Variants in SPOCK3 observed in about 807,000 individuals in gnomAD.
The protein encoded by SPOCK3 is SPARC (osteonectin), cwcv and kazal like domains proteoglycan 3, also known as testican-3.
Under a neutral mutation model 56.6 loss-of-function variants are expected in SPOCK3, and 30 were observed. That is an observed-to-expected ratio of 0.53 (90% CI 0.40 to 0.72). SPOCK3 has a LOEUF of 0.72. SPOCK3 is among the 30% of genes least tolerant of loss of function. The pLI is 0.00. For synonymous variants in SPOCK3, 196 were observed against 183.3 expected (o/e 1.07, Z -0.56); for missense variants, 527 against 530.0 (o/e 0.99, Z 0.06).
chr4:166,819,638 GAATGA>G (rs929859842), intron 6 of SPOCK3, among the ~76,000 whole-genome samples: 1 of 151,636 alleles, frequency 6.6e-6, no homozygotes, highest in African/African-American at 2.4e-5. Flanking sequence ...GTATCAAAAT[GAATGA>G]AATAAAAATA....
At chr4:166,814,740 C>T (rs1160748449) in intron 6 of SPOCK3, among the ~76,000 whole-genome samples, 1 of 152,054 alleles carries the variant, frequency 6.6e-6, no homozygotes, top group Non-Finnish European at 1.5e-5. Context: ...CTTCTTTCTT[C>T]CCCAGCTTGC....
At chr4:166,920,457 A>G (rs987608263) in intron 4 of SPOCK3, among the ~76,000 whole-genome samples, 29 of 152,182 alleles carry the variant, frequency 1.9e-4, no homozygotes, top group African/African-American at 5.8e-4. Flanking sequence ...ATTGACAGGT[A>G]TATTTATTTT....
intron 3 of SPOCK3, among the ~76,000 whole-genome samples, chr4:167,014,990 T>C (rs1237165582): frequency 1.3e-5 from 2 of 151,936 alleles, no homozygotes; most frequent in Non-Finnish European, 2.9e-5. Context: ...ATTTTTGTAA[T>C]ATAAGAATAT....
At chr4:167,065,564 G>A (rs1756046928) in intron 2 of SPOCK3, among the ~76,000 whole-genome samples, 1 of 151,716 alleles carries the variant, frequency 6.6e-6, no homozygotes, top group Admixed American at 6.6e-5. Flanking sequence ...CCTGGCCACT[G>A]TGGGGATCAG....
intron 2 of SPOCK3, among the ~76,000 whole-genome samples, chr4:167,146,164 G>A (rs1402715095): frequency 6.6e-6 from 1 of 152,112 alleles, no homozygotes; most frequent in African/African-American, 2.4e-5. Flanking sequence ...TGCAACCCTA[G>A]TCTCTGATAA....
chr4:167,212,180 G>A (rs1177452052), intron 2 of SPOCK3, among the ~76,000 whole-genome samples: 1 of 151,448 alleles, frequency 6.6e-6, no homozygotes, highest in African/African-American at 2.4e-5. Context: ...TCTGTGTTGT[G>A]TTCATTTTAG....
chr4:167,015,376 A>G (rs2150152317), intron 3 of SPOCK3, among the ~76,000 whole-genome samples: 1 of 152,298 alleles, frequency 6.6e-6, no homozygotes, highest in Non-Finnish European at 1.5e-5. Context: ...AATACTGGCT[A>G]AAGTTACAAC....
chr4:166,925,495 G>A (rs914625133), intron 4 of SPOCK3, among the ~76,000 whole-genome samples: 2 of 152,068 alleles, frequency 1.3e-5, no homozygotes, highest in African/African-American at 4.8e-5. Context: ...TGATACCATT[G>A]AAATTTGGGG....
At chr4:167,025,516 C>G (rs1245987909) in intron 3 of SPOCK3, among the ~76,000 whole-genome samples, 3 of 151,724 alleles carry the variant, frequency 2.0e-5, no homozygotes. Flanking sequence ...GATATTAACC[C>G]AATTAGAGAC....
At chr4:167,031,902 T>C (rs1752312045) in intron 3 of SPOCK3, among the ~76,000 whole-genome samples, 1 of 152,062 alleles carries the variant, frequency 6.6e-6, no homozygotes, top group African/African-American at 2.4e-5. Flanking sequence ...CTGGACCACG[T>C]ACAGGGGTAG....
chr4:166,734,482 G>A lies in SPOCK3; in HGVS notation c.*439C>T, dbSNP rs1009885945. ...TCTAGCAAGATGCTACTTTGGAAAT[G>A]CAATTAAAGCATGCATATTTTTCCT... On this transcript the variant is annotated 3_prime_UTR_variant, in exon 11 of 11. Coordinates refer to ENST00000357545, the MANE Select transcript of SPOCK3 (RefSeq NM_001040159.2). The A allele has an allele frequency of 6.5e-6, 1 of 152,954 alleles. No individual in the cohort carries two copies. The highest frequency in any genetic ancestry group is 1.5e-5 in the Non-Finnish European group (1 of 68,696). 9.5% of individuals were successfully genotyped at this position (152,954 alleles called of 1,614,324 possible). A position where few individuals can be genotyped will look rare whatever the true frequency, so the allele number is the denominator to read the frequency against.
intron 3 of SPOCK3, among the ~76,000 whole-genome samples, chr4:167,046,147 G>C (rs991995421): frequency 6.6e-6 from 1 of 151,734 alleles, no homozygotes. Context: ...CTTTTTGCTT[G>C]CATGGTTTCT....
At chr4:167,096,919 C>T (rs1393049676) in intron 2 of SPOCK3, among the ~76,000 whole-genome samples, 1 of 151,660 alleles carries the variant, frequency 6.6e-6, no homozygotes, top group African/African-American at 2.4e-5. Flanking sequence ...CAGTTTTTGC[C>T]TTACATGTTT....
At chr4:166,952,218 A>G (rs1742739218) in intron 4 of SPOCK3, among the ~76,000 whole-genome samples, 2 of 152,196 alleles carry the variant, frequency 1.3e-5, no homozygotes, top group South Asian at 4.1e-4. Flanking sequence ...TTAAGCTGAT[A>G]AGCAACTTCA....
intron 2 of SPOCK3, among the ~76,000 whole-genome samples, chr4:167,115,005 TAGC>T (rs1761211091): frequency 6.6e-6 from 1 of 151,862 alleles, no homozygotes; most frequent in South Asian, 2.1e-4. Context: ...GCTTAGAAAA[TAGC>T]AGGAAATATG....
intron 4 of SPOCK3, among the ~76,000 whole-genome samples, chr4:166,980,188 T>G (rs1287549351): frequency 6.6e-6 from 1 of 152,240 alleles, no homozygotes; most frequent in Admixed American, 6.5e-5. Flanking sequence ...ATTCTTCACT[T>G]AAAGAAAAAC....
intron 2 of SPOCK3, among the ~76,000 whole-genome samples, chr4:167,064,875 T>C (rs1309605691): frequency 2.0e-5 from 3 of 151,506 alleles, no homozygotes; most frequent in African/African-American, 7.3e-5. Flanking sequence ...AGGTGCTAAA[T>C]CTTAATAGCT....
chr4:166,832,367 C>A, intron 6 of SPOCK3, among the ~76,000 whole-genome samples: 1 of 148,548 alleles, frequency 6.7e-6, no homozygotes, highest in Admixed American at 6.8e-5. Flanking sequence ...AGGCACCATC[C>A]CACACCAATC....
chr4:166,969,640 C>A (rs180952477), intron 4 of SPOCK3, among the ~76,000 whole-genome samples: 113 of 151,410 alleles, frequency 7.5e-4, no homozygotes, highest in African/African-American at 2.7e-3. Flanking sequence ...TCTACCATAA[C>A]TGTAAGTTTC....
Sources: allele counts gnomAD v4.1 joint callset (sites outside exome capture counted in the v4.1 genomes callset), GRCh38; gene constraint gnomAD v4.1.1; transcripts MANE v1.5; gene names NCBI Gene and HGNC (gene_info 2026-07-23, HGNC 2026-07-21).